The following CELSR1 variants were observed in gnomAD, a reference collection of about 807,000 sequenced individuals.
CELSR1 encodes the protein adhesion G protein-coupled receptor C1.
CELSR1 carries 110 observed loss-of-function variants against 249.1 expected under a neutral mutation model. The observed-to-expected ratio is 0.44, with a 90% CI of 0.38 to 0.52. The LOEUF (loss-of-function observed/expected upper bound fraction) is 0.52. Ranked by LOEUF, CELSR1 falls within the 20% of genes least tolerant of loss-of-function variation. The probability of loss-of-function intolerance (pLI) is 0.00; values close to 1 mark genes in which losing one functional copy is unlikely to be tolerated. For missense variants in CELSR1, 4,109 were observed against 4,296.4 expected, an observed-to-expected ratio of 0.96 and a Z score of 1.22; for synonymous variants, 2,113 against 1,900.0, an observed-to-expected ratio of 1.11 and a Z score of -2.92.
At position 46,484,685 on chromosome 22, in the gene CELSR1, G is replaced by C. The variant is rs1345914037; in HGVS notation, c.3545-20340C>G. On this transcript the variant is annotated intron_variant, in intron 1 of 34. Coordinates refer to ENST00000674500, the MANE Select transcript of CELSR1 (RefSeq NM_001378328.1). This position sits in a 1 kb window ranked among gnomAD's most constrained non-coding sequence, Gnocchi z 4.5. Reference sequence around the variant, plus strand: ...GGGGTTCTGCCCCAGAGACCCTGTGGCCATCAGAGATGCTGGAGTGAGCGC... The same window carrying C: ...GGGGTTCTGCCCCAGAGACCCTGTGCCCATCAGAGATGCTGGAGTGAGCGC... Among the ~76,000 whole-genome samples, 1 of 140,410 alleles carries C rather than the reference G, an allele frequency of 7.1e-6. No individual in the cohort carries two copies. Among genetic ancestry groups the C allele is most frequent in the East Asian group, 2.0e-4 (1 of 4,916 alleles). 92.1% of individuals were successfully genotyped at this position (140,410 alleles called of 152,430 possible). A position where few individuals can be genotyped will look rare whatever the true frequency, so the allele number is the denominator to read the frequency against.
In CELSR1 at chr22:46,441,050, G is replaced by C. The variant is rs2079740748; in HGVS notation, c.4184-1639C>G. 6.6e-6 allele frequency among the ~76,000 whole-genome samples: 1 copy of C among 152,014 alleles called. No individual in the cohort carries two copies. Among genetic ancestry groups the C allele is most frequent in the Non-Finnish European group, 1.5e-5 (1 of 68,014 alleles). On this transcript the variant is annotated intron_variant, in intron 2 of 34. Transcript: ENST00000674500. The surrounding 1 kb of genome is among the most constrained non-coding windows in gnomAD (Gnocchi z 6.1). The stretch of plus-strand genomic sequence containing the variant: ...TGCCTGTAATCCCATCTACTCGGGA[G>C]GCTGAGGCAGGAGAACTGCTTCAAC...
rs1023848064 is a variant in CELSR1, at chr22:46,374,537, C to T, written c.7585-1480G>A. On this transcript the variant is annotated intron_variant, in intron 24 of 34. Coordinates refer to ENST00000674500, the MANE Select transcript of CELSR1 (RefSeq NM_001378328.1). The surrounding 1 kb of genome is among the most constrained non-coding windows in gnomAD (Gnocchi z 4.3). ...CAGGCACTCTGCCAAGCCCCTAGAA[C>T]GCTGCCGGGTCGCCCTTTCCTTCTC... Among the ~76,000 whole-genome samples, 1 of 152,218 alleles carries T rather than the reference C, an allele frequency of 6.6e-6. No homozygotes were observed. Among genetic ancestry groups the T allele is most frequent in the African/African-American group, 2.4e-5 (1 of 41,444 alleles).
chr22:46,366,454 G>A lies in CELSR1; in HGVS notation c.8232C>T (p.Phe2744=), dbSNP rs759879880. The part of the protein sequence containing the change: ...LTRSLNCNTT[F]GDGPDMLRTD... ...TGCGCAGCATGTCAGGCCCGTCACC[G>A]AAGGTGGTGTTGCAGTTGAGGGAGC... is the stretch of plus-strand genomic sequence containing the variant. Residue 2744 remains phenylalanine (F), a synonymous_variant, in exon 30 of 35, where the codon TTC becomes TTT. Coordinates refer to ENST00000674500, the MANE Select transcript of CELSR1 (RefSeq NM_001378328.1). 2.2e-5 allele frequency: 34 copies of A among 1,550,290 alleles called. No homozygotes were observed. Among genetic ancestry groups the A allele is most frequent in the African/African-American group, 9.6e-5 (7 of 72,928 alleles).
At chr22:46,522,735 T>G (rs1450880596) in intron 1 of CELSR1, among the ~76,000 whole-genome samples, 1 of 152,148 alleles carries the variant, frequency 6.6e-6, no homozygotes, top group Non-Finnish European at 1.5e-5. Context: ...TTCCCCAACC[T>G]ACAGAAGGGT....
intron 1 of CELSR1, among the ~76,000 whole-genome samples, chr22:46,514,453 G>A (rs986439145): frequency 6.6e-6 from 1 of 152,164 alleles, no homozygotes; most frequent in Admixed American, 6.5e-5. Context: ...CTGATCCCCG[G>A]GGGCCCAAGG....
rs1336191025 is a variant in CELSR1, at chr22:46,537,110, G to GGGC, written c.58_60dup (p.Ala20dup). The GGGC allele has an allele frequency of 3.9e-5, 40 of 1,037,630 alleles. No individual in the cohort carries two copies. Among genetic ancestry groups the GGGC allele is most frequent in the Middle Eastern group, 4.6e-4 (1 of 2,190 alleles). 64.3% of individuals were successfully genotyped at this position (1,037,630 alleles called of 1,614,324 possible). A position where few individuals can be genotyped will look rare whatever the true frequency, so the allele number is the denominator to read the frequency against. On this transcript the variant is annotated inframe_insertion, in exon 1 of 35. Transcript: ENST00000674500. The surrounding 1 kb of genome is among the most constrained non-coding windows in gnomAD (Gnocchi z 5.8). ...GCCGCTCGCAGCCCCATCGCCGGCA[G>GGGC]GGCGGCGGCGGCGGCCAGGAGCAGC...
intron 1 of CELSR1, among the ~76,000 whole-genome samples, chr22:46,508,603 C>G (rs1298433885): frequency 6.6e-6 from 1 of 152,140 alleles, no homozygotes; most frequent in East Asian, 1.9e-4. Flanking sequence ...CCTCCCACCC[C>G]CTCACCGCCT....
At position 46,433,377 on chromosome 22, in the gene CELSR1, G is replaced by A. The variant is rs1274193339; in HGVS notation, c.4611+16C>T. The stretch of plus-strand genomic sequence containing the variant: ...GCCGCCCTGGGGCCAGGGGGAAGTG[G>A]TGGGGCCCATCTTACCTTGTTGTAG... On this transcript the variant is annotated intron_variant, in intron 5 of 34. Transcript: ENST00000674500. The surrounding 1 kb of genome is among the most constrained non-coding windows in gnomAD (Gnocchi z 5.7). 31 of 1,607,404 alleles carry A rather than the reference G, an allele frequency of 1.9e-5. No homozygotes were observed. Among genetic ancestry groups the A allele is most frequent in the Non-Finnish European group, 2.6e-5 (30 of 1,174,950 alleles).
chr22:46,504,526 A>C (rs1201016084), intron 1 of CELSR1, among the ~76,000 whole-genome samples: 2 of 147,538 alleles, frequency 1.4e-5, no homozygotes, highest in East Asian at 1.9e-4. Flanking sequence ...AAAAACAAAA[A>C]AAAACAGGAA....
Position 46,383,948 on chromosome 22 carries a change from G to A in CELSR1, c.6883+595C>T, listed in dbSNP as rs1401012532. Among the ~76,000 whole-genome samples, 3 of 152,008 alleles carry A rather than the reference G, an allele frequency of 2.0e-5. No homozygotes were observed. In the East Asian group the frequency reaches 5.8e-4, roughly 29 times the overall value. ...AGTATCCCTCAGCTGAAATGCTTGG[G>A]AACATTTTGGAATTTTTTTTTTTTG... On this transcript the variant is annotated intron_variant, in intron 20 of 34. Transcript: ENST00000674500.
In CELSR1 at chr22:46,408,501, T is replaced by G. The variant is rs2079292208; in HGVS notation, c.5226+495A>C. Among the ~76,000 whole-genome samples, 1 of 152,124 alleles carries G rather than the reference T, an allele frequency of 6.6e-6. No individual in the cohort carries two copies. The highest frequency in any genetic ancestry group is 1.5e-5 in the Non-Finnish European group (1 of 68,014). On this transcript the variant is annotated intron_variant, in intron 9 of 34. Transcript: ENST00000674500. The surrounding 1 kb of genome is among the most constrained non-coding windows in gnomAD (Gnocchi z 4.6). ...CCCCCACTACCAAGCCTGGCTAATT[T>G]TTTTTGTATTTTTAGTAGAGATGGG... is the stretch of plus-strand genomic sequence containing the variant.
chr22:46,534,813 C>T lies in CELSR1; in HGVS notation c.2358G>A (p.Arg786=). The part of the protein sequence containing the change: ...LINVTDANTH[R]PVFQSSHYTV... ...TGTAATGGGAGCTCTGAAAGACAGG[C>T]CTGTGGGTGTTGGCATCAGTGACGT... The change falls in exon 1 of 35, where the codon AGG becomes AGA. Residue 786 remains arginine, a synonymous_variant. Transcript: ENST00000674500. The surrounding 1 kb of genome is among the most constrained non-coding windows in gnomAD (Gnocchi z 9.7). 2 of 1,613,040 alleles carry T rather than the reference C, an allele frequency of 1.2e-6. No homozygotes were observed. Among genetic ancestry groups the T allele is most frequent in the Non-Finnish European group, 1.7e-6 (2 of 1,179,978 alleles).
Position 46,389,368 on chromosome 22 carries a change from C to A in CELSR1, c.6477G>T (p.Leu2159=), listed in dbSNP as rs1322461918. 1.2e-6 allele frequency: 2 copies of A among 1,610,972 alleles called. No homozygotes were observed. The highest frequency in any genetic ancestry group is 2.2e-5 in the East Asian group (1 of 44,884). The change falls in exon 18 of 35, where the codon CTG becomes CTT. Residue 2159 remains leucine (L), a synonymous_variant. Coordinates refer to ENST00000674500, the MANE Select transcript of CELSR1 (RefSeq NM_001378328.1). ...FGNDVRTAYQ[L]LGHVLQHESW... ...TCTCGTGCTGAAGGACGTGGCCCAG[C>A]AGCTGGTAGGCCGTGCGCACGTCAT...
At chr22:46,416,149 T>C (rs1352717959) in intron 5 of CELSR1, among the ~76,000 whole-genome samples, 1 of 150,122 alleles carries the variant, frequency 6.7e-6, no homozygotes, top group Non-Finnish European at 1.5e-5. Context: ...CCTCCTCACA[T>C]TTCTAAGAGG....
chr22:46,387,649 G>A (rs762492778), intron 18 of CELSR1, among the ~76,000 whole-genome samples: 20 of 152,064 alleles, frequency 1.3e-4, no homozygotes, highest in Non-Finnish European at 2.1e-4. Flanking sequence ...GTGAGCGACC[G>A]CGCCCGGCCA....
At position 46,448,219 on chromosome 22, in the gene CELSR1, C is replaced by G. The variant is rs2079842853; in HGVS notation, c.4184-8808G>C. On this transcript the variant is annotated intron_variant, in intron 2 of 34. Transcript: ENST00000674500. This position sits in a 1 kb window ranked among gnomAD's most constrained non-coding sequence, Gnocchi z 5.7. Reference sequence around the variant, plus strand: ...AAGGAAGGGGGTGCCCAGAGGGTCTCCACATCATTACATGGAGACTCTGGC... The same window carrying G: ...AAGGAAGGGGGTGCCCAGAGGGTCTGCACATCATTACATGGAGACTCTGGC... Among the ~76,000 whole-genome samples, 1 of 152,170 alleles carries G rather than the reference C, an allele frequency of 6.6e-6. No individual in the cohort carries two copies. The highest frequency in any genetic ancestry group is 2.4e-5 in the African/African-American group (1 of 41,426).
intron 3 of CELSR1, among the ~76,000 whole-genome samples, chr22:46,438,058 C>G (rs1258924210): frequency 6.6e-6 from 1 of 152,118 alleles, no homozygotes; most frequent in Non-Finnish European, 1.5e-5. Context: ...CTGCACGGCC[C>G]CCCTGGCAAG....
In CELSR1 at chr22:46,534,011, C is replaced by T; in HGVS notation, c.3160G>A (p.Gly1054Arg). The T allele has an allele frequency of 6.2e-7, 1 of 1,613,706 alleles. No homozygotes were observed. The highest frequency in any genetic ancestry group is 1.1e-5 in the South Asian group (1 of 91,074). Reference protein sequence around the residue: ...RHFFQLDLLNGDLRAMVELDF... With the variant: ...RHFFQLDLLNRDLRAMVELDF... ...AGCTCCACCATGGCACGCAGGTCCCCGTTGAGCAGGTCCAGCTGGAAGAAA... is the reference window on the plus strand; with the variant it reads ...AGCTCCACCATGGCACGCAGGTCCCTGTTGAGCAGGTCCAGCTGGAAGAAA... The change falls in exon 1 of 35, where the codon GGG becomes AGG. Residue 1054 changes from glycine (G) to arginine (R), a missense_variant. This residue lies in a region of CELSR1 where 886 missense variants were observed against 896.5 expected (regional missense o/e 0.99). Transcript: ENST00000674500. This position sits in a 1 kb window ranked among gnomAD's most constrained non-coding sequence, Gnocchi z 9.7.
intron 5 of CELSR1, among the ~76,000 whole-genome samples, chr22:46,424,682 T>A (rs540495092): frequency 6.6e-6 from 1 of 152,296 alleles, no homozygotes; most frequent in African/African-American, 2.4e-5. Flanking sequence ...GTATTAAGAA[T>A]GTCATAAATG....
Sources: gnomAD v4.1 joint callset for allele counts (sites outside exome capture counted in the v4.1 genomes callset) on GRCh38, gnomAD v4.1.1 for gene constraint, gnomAD v4.1.1 regional missense constraint, Gnocchi (gnomAD v3.1) non-coding constraint, MANE v1.5 for transcripts, NCBI Gene and HGNC (gene_info 2026-07-23, HGNC 2026-07-21) for gene names.